The following EYS variants were observed in gnomAD, a reference collection of about 807,000 sequenced individuals.
EYS encodes the protein protein eyes shut homolog.
EYS carries 250 observed loss-of-function variants against 282.1 expected under a neutral mutation model. The ratio of observed to expected loss-of-function variants is 0.89; its 90% CI spans 0.80 to 0.98. The LOEUF (loss-of-function observed/expected upper bound fraction) is 0.98. Among genes scored for constraint, EYS ranks in the 50% least tolerant of loss-of-function variants. EYS has a pLI of 0.00. For synonymous variants in EYS, 1,355 were observed against 1,282.9 expected (o/e 1.06, Z -1.20); for missense variants, 4,016 against 3,709.0 (o/e 1.08, Z -2.15).
At chr6:63,838,471 C>T (rs1265812220) in intron 36 of EYS, among the ~76,000 whole-genome samples, 2 of 152,122 alleles carry the variant, frequency 1.3e-5, no homozygotes, top group Non-Finnish European at 2.9e-5. Context: ...CAGAGACAGT[C>T]GGCATCTTGA....
intron 26 of EYS, among the ~76,000 whole-genome samples, chr6:64,490,823 G>A (rs940669111): frequency 2.7e-5 from 4 of 150,740 alleles, no homozygotes; most frequent in African/African-American, 4.8e-5. Context: ...GAATAAAAAT[G>A]TATTTTAAAA....
chr6:65,267,070 C>T (rs187748227), intron 12 of EYS, among the ~76,000 whole-genome samples: 2 of 150,588 alleles, frequency 1.3e-5, no homozygotes, highest in African/African-American at 4.9e-5. Context: ...TTGCTTCTTC[C>T]AGAATTTTTC....
intron 33 of EYS, among the ~76,000 whole-genome samples, chr6:64,002,029 A>G (rs939381815): frequency 3.3e-5 from 5 of 152,224 alleles, no homozygotes; most frequent in African/African-American, 1.2e-4. Flanking sequence ...CCCCTATCCT[A>G]TGCCCATATA....
Position 65,661,690 on chromosome 6 carries a change from G to A in EYS, c.-447-21798C>T, listed in dbSNP as rs373929302. Among the ~76,000 whole-genome samples, 72 of 152,046 alleles carry A rather than the reference G, an allele frequency of 4.7e-4. 1 individual carries two copies. In the East Asian group the frequency reaches 5.4e-3, roughly 11 times the overall value. The stretch of plus-strand genomic sequence containing the variant: ...AAGGCAAATTCTACCTGGAACTTTC[G>A]GATGATTTCATGAGTGGTCATTTGT... On this transcript the variant is annotated intron_variant, in intron 1 of 42. Transcript: ENST00000503581.
rs138250588 is a variant in EYS, at chr6:64,434,972, C to T, written c.5927+1202G>A. 1.7e-3 allele frequency among the ~76,000 whole-genome samples: 260 copies of T among 152,020 alleles called. 1 individual carries two copies. The highest frequency in any genetic ancestry group is 0.014 in the Middle Eastern group (4 of 294). ...TCCTTCATGATTTGATTCTTACTGCCACCCAAGGCTCATGCACTTGCTTCC... is the reference window on the plus strand; with the variant it reads ...TCCTTCATGATTTGATTCTTACTGCTACCCAAGGCTCATGCACTTGCTTCC... On this transcript the variant is annotated intron_variant, in intron 28 of 42. Coordinates refer to ENST00000503581, the MANE Select transcript of EYS (RefSeq NM_001142800.2).
chr6:64,581,334 G>A (rs1300207733), intron 26 of EYS, among the ~76,000 whole-genome samples: 1 of 152,018 alleles, frequency 6.6e-6, no homozygotes, highest in African/African-American at 2.4e-5. Flanking sequence ...ACCATGGACC[G>A]AGCTACATAC....
chr6:65,663,241 T>C (rs769980256), intron 1 of EYS, among the ~76,000 whole-genome samples: 3 of 152,154 alleles, frequency 2.0e-5, no homozygotes, highest in Non-Finnish European at 4.4e-5. Context: ...TGTTTAGGTA[T>C]CTAGAGAACA....
chr6:65,412,478 T>G (rs1767059760), intron 5 of EYS, among the ~76,000 whole-genome samples: 1 of 152,196 alleles, frequency 6.6e-6, no homozygotes, highest in Non-Finnish European at 1.5e-5. Flanking sequence ...TAGTTACTCC[T>G]CATATGCACC....
At chr6:63,819,063 T>C (rs1381669665) in intron 36 of EYS, among the ~76,000 whole-genome samples, 1 of 152,228 alleles carries the variant, frequency 6.6e-6, no homozygotes, top group Non-Finnish European at 1.5e-5. Flanking sequence ...ATCACTAGAC[T>C]GTCTCCCCAC....
chr6:65,085,499 G>T (rs559963054), intron 12 of EYS, among the ~76,000 whole-genome samples: 58 of 152,266 alleles, frequency 3.8e-4, no homozygotes, highest in African/African-American at 1.1e-3. Flanking sequence ...TTTATCACTT[G>T]CTTTGTGTGT....
chr6:64,817,417 AAT>A (rs1277943748), intron 21 of EYS, among the ~76,000 whole-genome samples: 1 of 152,186 alleles, frequency 6.6e-6, no homozygotes, highest in Non-Finnish European at 1.5e-5. Context: ...ACAAAATGTA[AAT>A]TATATTAAAT....
intron 29 of EYS, among the ~76,000 whole-genome samples, chr6:64,368,394 C>A (rs72887617): frequency 6.6e-6 from 1 of 151,956 alleles, no homozygotes; most frequent in Non-Finnish European, 1.5e-5. Flanking sequence ...AATAGTGCTG[C>A]GATAAACATA....
At chr6:64,810,898 A>G (rs144794261) in intron 22 of EYS, among the ~76,000 whole-genome samples, 1 of 152,218 alleles carries the variant, frequency 6.6e-6, no homozygotes, top group East Asian at 1.9e-4. Flanking sequence ...AAAGATAATA[A>G]CAACAAAATA....
intron 12 of EYS, among the ~76,000 whole-genome samples, chr6:65,106,969 A>G (rs895881942): frequency 9.9e-5 from 15 of 152,040 alleles, no homozygotes; most frequent in Non-Finnish European, 5.9e-5. Context: ...AAAATGAACA[A>G]CTGTGGTAAC....
At chr6:63,883,511 C>T (rs1019853012) in intron 35 of EYS, among the ~76,000 whole-genome samples, 2 of 152,330 alleles carry the variant, frequency 1.3e-5, no homozygotes, top group East Asian at 1.9e-4. Context: ...TTGCTTCTGC[C>T]TTTAGGTGAA....
chr6:64,594,806 A>G (rs185245747), intron 24 of EYS, among the ~76,000 whole-genome samples: 15,308 of 151,828 alleles, frequency 0.1, 921 homozygotes, highest in East Asian at 0.17. Flanking sequence ...AAACCTGCAC[A>G]TTGTGCACAT....
At chr6:64,707,505 T>C (rs1294097903) in intron 22 of EYS, among the ~76,000 whole-genome samples, 2 of 151,812 alleles carry the variant, frequency 1.3e-5, no homozygotes, top group Non-Finnish European at 2.9e-5. Flanking sequence ...CTGTCTCTAC[T>C]AAGAATACAA....
chr6:65,578,134 T>C (rs1369128618), intron 2 of EYS, among the ~76,000 whole-genome samples: 3 of 151,842 alleles, frequency 2.0e-5, no homozygotes, highest in Non-Finnish European at 4.4e-5. Context: ...CACTGCACTT[T>C]TTGCAGCACT....
At chr6:64,954,989 T>C (rs761756783) in intron 14 of EYS, among the ~76,000 whole-genome samples, 1 of 152,012 alleles carries the variant, frequency 6.6e-6, no homozygotes, top group Non-Finnish European at 1.5e-5. Context: ...GCCAATATGG[T>C]GAAACCATTT....
Sources: allele counts gnomAD v4.1 joint callset (sites outside exome capture counted in the v4.1 genomes callset), GRCh38; gene constraint gnomAD v4.1.1; transcripts MANE v1.5; gene names NCBI Gene and HGNC (gene_info 2026-07-23, HGNC 2026-07-21).